The following DRG2 variants were observed in gnomAD, a reference collection of about 807,000 sequenced individuals.
DRG2 encodes the protein developmentally-regulated GTP-binding protein 2.
In DRG2, 36 loss-of-function variants were observed where a neutral mutation model predicts 53.4. The observed-to-expected ratio is 0.67, with a 90% confidence interval of 0.52 to 0.89. DRG2 has a LOEUF of 0.89. Ranked by LOEUF, DRG2 falls within the 40% of genes least tolerant of loss-of-function variation. The probability of loss-of-function intolerance (pLI) is 0.00; values close to 1 mark genes in which losing one functional copy is unlikely to be tolerated. For missense variants in DRG2, 342 were observed against 481.2 expected (o/e 0.71, Z 2.71); for synonymous variants, 167 against 192.1 (o/e 0.87, Z 1.08).
Position 18,099,171 on chromosome 17 carries a change from C to A in DRG2, c.376+94C>A. Reference sequence around the variant, plus strand: ...GCTGTCATGGAGATCACTCTGGATCCCTGGTCCATTATCCCGCTTTCCAGA... The same window carrying A: ...GCTGTCATGGAGATCACTCTGGATCACTGGTCCATTATCCCGCTTTCCAGA... On this transcript the variant is annotated intron_variant, in intron 4 of 12. Transcript: ENST00000225729. This position sits in a 1 kb window ranked among gnomAD's most constrained non-coding sequence, Gnocchi z 4.4. The A allele has an allele frequency of 2.0e-6, 3 of 1,514,390 alleles. No individual in the cohort carries two copies. Among genetic ancestry groups the A allele is most frequent in the Non-Finnish European group, 2.7e-6 (3 of 1,097,338 alleles). The allele number at this position is 1,514,390 out of a possible 1,614,324, so 93.8% of individuals were successfully genotyped here.
At position 18,100,373 on chromosome 17, in the gene DRG2, G is replaced by C; in HGVS notation, c.478G>C (p.Glu160Gln). 1.2e-6 allele frequency: 2 copies of C among 1,614,198 alleles called. No homozygotes were observed. The highest frequency in any genetic ancestry group is 1.7e-6 in the Non-Finnish European group (2 of 1,180,038). Residue 160 changes from glutamate (E) to glutamine (Q), a missense_variant, in exon 6 of 13, where the codon GAG (glutamate) becomes CAG (glutamine). By Grantham distance (29) the Glu-to-Gln change is conservative (BLOSUM62 2). Coordinates refer to ENST00000225729, the MANE Select transcript of DRG2 (RefSeq NM_001388.5). The surrounding 1 kb of genome is among the most constrained non-coding windows in gnomAD (Gnocchi z 4.1). ...GGGTACTCTTCCTAGGTCTCTGCTG[G>C]AGAAGGAGCTGGAGTCTGTGGGCAT... Reference protein sequence around the residue: ...TKGEVQRSLLEKELESVGIRL... With the variant: ...TKGEVQRSLLQKELESVGIRL...
In DRG2 at chr17:18,098,348, G is replaced by A. The variant is rs1341123990; in HGVS notation, c.304G>A (p.Gly102Arg). Residue 102 changes from glycine to arginine, a missense_variant, in exon 3 of 13, where the codon GGG (glycine) becomes AGG (arginine). Physicochemically the swap from Gly to Arg is moderately radical, Grantham distance 125. Transcript: ENST00000225729. The surrounding 1 kb of genome is among the most constrained non-coding windows in gnomAD (Gnocchi z 4.1). ...YEFTTLTCIP[G>R]VIEYKGANIQ... ...GTTCACCACTCTGACGTGTATTCCT[G>A]GGGTCATTGAAGTAAGTGGGTGTGC... 1 of 1,613,866 alleles carries A rather than the reference G, an allele frequency of 6.2e-7. No individual in the cohort carries two copies. Among genetic ancestry groups the A allele is most frequent in the Non-Finnish European group, 8.5e-7 (1 of 1,179,826 alleles).
Position 18,101,543 on chromosome 17 carries a change from T to C in DRG2, c.682T>C (p.Phe228Leu), listed in dbSNP as rs373449509. 2.8e-5 allele frequency: 45 copies of C among 1,614,052 alleles called. No individual in the cohort carries two copies. The African/African-American group carries it at 5.5e-4, about 20-fold the overall frequency. The change falls in exon 8 of 13, where the codon TTC becomes CTC. Residue 228 changes from phenylalanine (F) to leucine (L), a missense_variant. Coordinates refer to ENST00000225729, the MANE Select transcript of DRG2 (RefSeq NM_001388.5). ...CCGAGAAGACTGCTCCCCGGACGAG[T>C]TCATCGATGTGATCGTGGGCAACCG... ...LFREDCSPDE[F>L]IDVIVGNRVY...
chr17:18,106,602 T>G (rs2045638159), intron 12 of DRG2, 116 bp downstream of exon 12: 3 of 1,181,068 alleles, frequency 2.5e-6, no homozygotes, highest in Non-Finnish European at 3.7e-6. Flanking sequence ...CTGTGGGGAT[T>G]GGCATGTCTG....
At position 18,093,933 on chromosome 17, in the gene DRG2, A is replaced by T. The variant is rs760455357; in HGVS notation, c.185A>T (p.Asp62Val). 3.1e-6 allele frequency: 5 copies of T among 1,614,116 alleles called. No individual in the cohort carries two copies. The highest frequency in any genetic ancestry group is 4.2e-6 in the Non-Finnish European group (5 of 1,180,058). ...GGCTTTGATGTCATGAAGTCGGGTG[A>T]TGCCCGTGTGGCGCTGATTGGATTT... ...GEGFDVMKSGDARVALIGFPS... is the reference protein window; with the variant it reads ...GEGFDVMKSGVARVALIGFPS... The change falls in exon 2 of 13, where the codon GAT (aspartate) becomes GTT (valine). Residue 62 changes from aspartate (D) to valine (V), a missense_variant. Physicochemically the swap from Asp to Val is radical, Grantham distance 152 (BLOSUM62 -3). Transcript: ENST00000225729.
chr17:18,100,638 C>T lies in DRG2; in HGVS notation c.610C>T (p.Gln204Ter), dbSNP rs762759596. 4.3e-6 allele frequency: 7 copies of T among 1,613,980 alleles called. No homozygotes were observed. The highest frequency in any genetic ancestry group is 4.2e-6 in the Non-Finnish European group (5 of 1,180,024). The change falls in exon 7 of 13, where the codon CAG becomes TAG. Residue 204 changes from glutamine (Q) to a stop codon, truncating the protein, a stop_gained. Transcript: ENST00000225729. LOFTEE classifies it high-confidence loss of function. The surrounding 1 kb of genome is among the most constrained non-coding windows in gnomAD (Gnocchi z 4.1). ...TLTQCSEKLV[Q>*]LILHEYKIFN... ...GACCCAGTGCTCGGAAAAGCTGGTG[C>T]AGCTCATCCTGCACGAATACAGTAT...
intron 11 of DRG2, 48 bp from the exon 12 acceptor site, chr17:18,106,385 G>T: frequency 6.2e-7 from 1 of 1,606,298 alleles, no homozygotes; most frequent in South Asian, 1.1e-5. Context: ...CTTGGGATGG[G>T]GTTAGGTGAA....
intron 1 of DRG2, among the ~76,000 whole-genome samples, chr17:18,092,430 A>T (rs2045349981): frequency 1.3e-5 from 2 of 152,138 alleles, no homozygotes. Context: ...TGAGTGACAG[A>T]ATGAGACCCC....
At position 18,103,030 on chromosome 17, in the gene DRG2, G is replaced by A. The variant is rs1210283036; in HGVS notation, c.807-771G>A. Among the ~76,000 whole-genome samples the A allele has an allele frequency of 3.3e-5, 5 of 152,140 alleles. No individual in the cohort carries two copies. Among genetic ancestry groups the A allele is most frequent in the South Asian group, 2.1e-4 (1 of 4,836 alleles). ...AGCGCAAATGATGGATGAGGGTCCC[G>A]GCCTGAGCACAAGGACCATTTTGTG... On this transcript the variant is annotated intron_variant, in intron 9 of 12. Transcript: ENST00000225729. This position sits in a 1 kb window ranked among gnomAD's most constrained non-coding sequence, Gnocchi z 4.4.
Position 18,100,338 on chromosome 17 carries a change from G to A in DRG2, c.468-25G>A, listed in dbSNP as rs750212545. On this transcript the variant is annotated intron_variant, in intron 5 of 12. Coordinates refer to ENST00000225729, the MANE Select transcript of DRG2 (RefSeq NM_001388.5). This position sits in a 1 kb window ranked among gnomAD's most constrained non-coding sequence, Gnocchi z 4.1. ...ATCTGGCTCTGTGGACAGCCTGTGAGGGGCTTAAGGGGTACTCTTCCTAGG... is the reference window on the plus strand; with the variant it reads ...ATCTGGCTCTGTGGACAGCCTGTGAAGGGCTTAAGGGGTACTCTTCCTAGG... The A allele has an allele frequency of 1.2e-6, 2 of 1,613,554 alleles. No individual in the cohort carries two copies. Among genetic ancestry groups the A allele is most frequent in the South Asian group, 1.1e-5 (1 of 91,044 alleles).
At chr17:18,101,877 C>T in intron 8 of DRG2, 44 bp from the exon 9 acceptor site, 3 of 1,583,360 alleles carry the variant, frequency 1.9e-6, no homozygotes, top group Non-Finnish European at 2.6e-6. Flanking sequence ...TCCTGGATGC[C>T]TTGCTCCTGT....
intron 1 of DRG2, among the ~76,000 whole-genome samples, chr17:18,090,388 ATATATATATATATATATATTT>A (rs1347966838): frequency 2.7e-3 from 28 of 10,422 alleles, no homozygotes; most frequent in African/African-American, 4.1e-3. Flanking sequence ...ATATATATAT[ATATATATATATATATATATTT>A]TTTTTTTTTT....
intron 2 of DRG2, chr17:18,097,985 C>G: frequency 3.7e-6 from 1 of 273,808 alleles, no homozygotes; most frequent in Middle Eastern, 1.2e-3. Flanking sequence ...AGGAGAGGCT[C>G]CTGATGTATA....
chr17:18,102,004 C>G lies in DRG2; in HGVS notation c.806+7C>G. 6.2e-7 allele frequency: 1 copy of G among 1,601,258 alleles called. No individual in the cohort carries two copies. Among genetic ancestry groups the G allele is most frequent in the South Asian group, 1.1e-5 (1 of 89,566 alleles). On this transcript the variant is annotated splice_region_variant and intron_variant, in intron 9 of 12. Transcript: ENST00000225729. ...CCAACAGTGTGGTCATCAGGTGAGG[C>G]CACTGGCATCCTGCCACTCTGCTGT...
At chr17:18,101,336 G>A (rs1250073098) in intron 7 of DRG2, among the ~76,000 whole-genome samples, 157 bp from the exon 8 acceptor site, 1 of 152,144 alleles carries the variant, frequency 6.6e-6, no homozygotes, top group East Asian at 1.9e-4. Context: ...AGAGAACAGA[G>A]GGCTTCCAAA....
Position 18,099,133 on chromosome 17 carries a change from G to GA in DRG2, c.376+59dup, listed in dbSNP as rs1474748409. The GA allele has an allele frequency of 1.2e-6, 2 of 1,609,132 alleles. No individual in the cohort carries two copies. The highest frequency in any genetic ancestry group is 1.7e-6 in the Non-Finnish European group (2 of 1,176,664). ...GACTGGAGCTCTGTTACTGATCGTT[G>GA]AAATTGGGTGTGGCTGTCATGGAGA... On this transcript the variant is annotated intron_variant, in intron 4 of 12. Coordinates refer to ENST00000225729, the MANE Select transcript of DRG2 (RefSeq NM_001388.5). The surrounding 1 kb of genome is among the most constrained non-coding windows in gnomAD (Gnocchi z 4.4).
chr17:18,107,582 C>T lies in DRG2; in HGVS notation c.*342C>T. On this transcript the variant is annotated 3_prime_UTR_variant, in exon 13 of 13. Transcript: ENST00000225729. Reference sequence around the variant, plus strand: ...CCTAAAGCAGATGGCATGCTCAGTGCCAGGCTGGTAGCTGGGCCTGTTTGG... The same window carrying T: ...CCTAAAGCAGATGGCATGCTCAGTGTCAGGCTGGTAGCTGGGCCTGTTTGG... 3.3e-6 allele frequency: 1 copy of T among 301,366 alleles called. No individual in the cohort carries two copies. Among genetic ancestry groups the T allele is most frequent in the East Asian group, 7.0e-5 (1 of 14,290 alleles). The allele number at this position is 301,366 out of a possible 1,614,324, so 18.7% of individuals were successfully genotyped here.
In DRG2 at chr17:18,099,327, C is replaced by T. The variant is rs2045485266; in HGVS notation, c.376+250C>T. On this transcript the variant is annotated intron_variant, in intron 4 of 12. Transcript: ENST00000225729. The surrounding 1 kb of genome is among the most constrained non-coding windows in gnomAD (Gnocchi z 4.4). The stretch of plus-strand genomic sequence containing the variant: ...GGGCATAATAATACATAATTTACAG[C>T]ATAGTTTTGAGGATTAAGTGAGGAA... The T allele has an allele frequency of 4.9e-6, 3 of 612,364 alleles. No homozygotes were observed. In the Admixed American group the frequency reaches 8.8e-5, roughly 18 times the overall value. The allele number at this position is 612,364 out of a possible 1,614,324, so 37.9% of individuals were successfully genotyped here.
chr17:18,088,056 G>A lies in DRG2; in HGVS notation c.33G>A (p.Glu11=). 2 of 1,549,350 alleles carry A rather than the reference G, an allele frequency of 1.3e-6. No homozygotes were observed. Among genetic ancestry groups the A allele is most frequent in the South Asian group, 1.2e-5 (1 of 83,558 alleles). Reference sequence around the variant, plus strand: ...TCTTAGAGAAGATCTCGGAGATCGAGAAGGAGATCGCTCGGACACAGAAGA... The same window carrying A: ...TCTTAGAGAAGATCTCGGAGATCGAAAAGGAGATCGCTCGGACACAGAAGA... MGILEKISEI[E]KEIARTQKNK... is the part of the protein sequence containing the mutation. Residue 11 remains glutamate, a synonymous_variant, in exon 1 of 13, where the codon GAG becomes GAA. Transcript: ENST00000225729.
Sources: allele counts gnomAD v4.1 joint callset (sites outside exome capture counted in the v4.1 genomes callset), GRCh38; gene constraint gnomAD v4.1.1; non-coding constraint Gnocchi (gnomAD v3.1); transcripts MANE v1.5; gene names NCBI Gene and HGNC (gene_info 2026-07-23, HGNC 2026-07-21).